Variants in NRXN1 observed in about 807,000 individuals in gnomAD.
NRXN1 encodes the protein neurexin 1, also known as neurexin-1.
Under a neutral mutation model 150.9 loss-of-function variants are expected in NRXN1, and 39 were observed. That is an observed-to-expected ratio of 0.26 (90% CI 0.20 to 0.34). NRXN1 has a LOEUF of 0.34. Ranked by LOEUF, NRXN1 falls within the 10% of genes least tolerant of loss-of-function variation. The pLI is 1.00. For synonymous variants in NRXN1, 924 were observed against 757.0 expected (o/e 1.22, Z -3.62); for missense variants, 1,815 against 1,949.9 (o/e 0.93, Z 1.30).
At chr2:49,925,076 G>A (rs1359167267) in intron 22 of NRXN1, among the ~76,000 whole-genome samples, 1 of 152,028 alleles carries the variant, frequency 6.6e-6, no homozygotes, top group African/African-American at 2.4e-5. Context: ...TGGATCACGA[G>A]GTCAAGAGAT....
intron 21 of NRXN1, among the ~76,000 whole-genome samples, chr2:49,976,960 T>C (rs1679098579): frequency 6.6e-6 from 1 of 152,220 alleles, no homozygotes; most frequent in Non-Finnish European, 1.5e-5. Flanking sequence ...ATTTAGGGTA[T>C]TGTTCACTGC....
Position 50,440,569 on chromosome 2 carries a change from A to G in NRXN1, c.3364+24873T>C, listed in dbSNP as rs1477317335. Reference sequence around the variant, plus strand: ...GGCAGGAAAGGAGGACAAGGAGGATAAGATAGGAGGTGTATAATTTTATAT... The same window carrying G: ...GGCAGGAAAGGAGGACAAGGAGGATGAGATAGGAGGTGTATAATTTTATAT... On this transcript the variant is annotated intron_variant, in intron 17 of 22. Coordinates refer to ENST00000401669, the MANE Select transcript of NRXN1 (RefSeq NM_001330078.2). Among the ~76,000 whole-genome samples the G allele has an allele frequency of 3.9e-5, 6 of 152,150 alleles. 1 individual carries two copies. In the South Asian group the frequency reaches 1.2e-3, roughly 32 times the overall value.
chr2:50,370,842 C>T (rs78625801), intron 17 of NRXN1, among the ~76,000 whole-genome samples: 1 of 152,080 alleles, frequency 6.6e-6, no homozygotes, highest in East Asian at 1.9e-4. Flanking sequence ...TTCCTTTGCT[C>T]TGCTCTTGCT....
intron 21 of NRXN1, among the ~76,000 whole-genome samples, chr2:49,954,518 T>C (rs1315006623): frequency 1.3e-5 from 2 of 151,844 alleles, no homozygotes; most frequent in African/African-American, 4.8e-5. Context: ...AATGAACAGA[T>C]GAACAGGGAA....
In NRXN1 at chr2:50,447,740, TATA is replaced by T. The variant is rs2086569990; in HGVS notation, c.3364+17699_3364+17701del. The stretch of plus-strand genomic sequence containing the variant: ...TCACATAGTAAGCAGGGGAACGTTA[TATA>T]TATATATATATATATATATATATAT... On this transcript the variant is annotated intron_variant, in intron 17 of 22. Coordinates refer to ENST00000401669, the MANE Select transcript of NRXN1 (RefSeq NM_001330078.2). Among the ~76,000 whole-genome samples, 463 of 81,128 alleles carry T rather than the reference TATA, an allele frequency of 5.7e-3. 72 individuals carry two copies. The highest frequency in any genetic ancestry group is 0.022 in the African/African-American group (366 of 16,906). 53.2% of individuals were successfully genotyped at this position (81,128 alleles called of 152,430 possible). A position where few individuals can be genotyped will look rare whatever the true frequency, so the allele number is the denominator to read the frequency against.
intron 17 of NRXN1, among the ~76,000 whole-genome samples, chr2:50,373,609 AAGAG>A (rs1285674567): frequency 6.9e-6 from 1 of 144,068 alleles, no homozygotes; most frequent in South Asian, 2.2e-4. Context: ...GAGAGAAAGA[AAGAG>A]AGAGAGAGAA....
At chr2:50,693,276 T>C (rs558510602) in intron 5 of NRXN1, among the ~76,000 whole-genome samples, 1 of 152,300 alleles carries the variant, frequency 6.6e-6, no homozygotes, top group South Asian at 2.1e-4. Flanking sequence ...GCCAATATGC[T>C]AAATACTAAA....
chr2:50,907,591 C>A (rs774274102), intron 5 of NRXN1, among the ~76,000 whole-genome samples: 2 of 151,932 alleles, frequency 1.3e-5, no homozygotes, highest in Non-Finnish European at 2.9e-5. Flanking sequence ...CCAATGTTGT[C>A]ACAAGCTCCT....
chr2:50,146,573 C>T (rs959578397), intron 18 of NRXN1, among the ~76,000 whole-genome samples: 1 of 151,142 alleles, frequency 6.6e-6, no homozygotes, highest in Non-Finnish European at 1.5e-5. Context: ...CCCAAGGATG[C>T]TGTGAAAATA....
chr2:50,642,874 T>C (rs551257078), intron 5 of NRXN1, among the ~76,000 whole-genome samples: 4 of 151,932 alleles, frequency 2.6e-5, no homozygotes, highest in Non-Finnish European at 5.9e-5. Context: ...AGGAAAAGCC[T>C]TCTTCTAAAA....
At chr2:50,100,376 C>T (rs1700828807) in intron 18 of NRXN1, among the ~76,000 whole-genome samples, 1 of 152,030 alleles carries the variant, frequency 6.6e-6, no homozygotes, top group African/African-American at 2.4e-5. Context: ...CACTTCAGTG[C>T]TTCTATTTCC....
At chr2:50,981,966 T>G (rs2160656) in intron 2 of NRXN1, among the ~76,000 whole-genome samples, 3,891 of 151,706 alleles carry the variant, frequency 0.026, 177 homozygotes, top group Admixed American at 0.12. Flanking sequence ...GAGAGAGAGA[T>G]AGAGAAAGAG....
chr2:50,435,357 A>C (rs1230989548), intron 17 of NRXN1, among the ~76,000 whole-genome samples: 1 of 152,222 alleles, frequency 6.6e-6, no homozygotes, highest in Non-Finnish European at 1.5e-5. Context: ...AATATATATA[A>C]TTAAATGCAA....
At chr2:50,727,215 A>T (rs561962134) in intron 5 of NRXN1, among the ~76,000 whole-genome samples, 5 of 152,206 alleles carry the variant, frequency 3.3e-5, no homozygotes, top group Admixed American at 6.5e-5. Flanking sequence ...ATTATATTTA[A>T]TTTTTTTTCC....
At chr2:50,343,893 CCAAA>C (rs1431297165) in intron 17 of NRXN1, among the ~76,000 whole-genome samples, 1 of 152,208 alleles carries the variant, frequency 6.6e-6, no homozygotes, top group Non-Finnish European at 1.5e-5. Context: ...TCTAATACAA[CCAAA>C]CAGCCTAGTT....
intron 18 of NRXN1, among the ~76,000 whole-genome samples, chr2:50,155,627 T>C (rs2058971877): frequency 6.6e-6 from 1 of 151,648 alleles, no homozygotes; most frequent in Admixed American, 6.6e-5. Flanking sequence ...TTTTTGATCC[T>C]GTTTTTTTCC....
chr2:50,943,216 CT>C (rs938104678), intron 2 of NRXN1, among the ~76,000 whole-genome samples: 3 of 152,124 alleles, frequency 2.0e-5, no homozygotes, highest in African/African-American at 4.8e-5. Flanking sequence ...AATTAAACCT[CT>C]TTTCTTTATA....
At chr2:50,815,313 A>T (rs530148462) in intron 5 of NRXN1, among the ~76,000 whole-genome samples, 1 of 152,174 alleles carries the variant, frequency 6.6e-6, no homozygotes, top group African/African-American at 2.4e-5. Context: ...AGATCTGTTG[A>T]CATTATGTCT....
intron 21 of NRXN1, among the ~76,000 whole-genome samples, chr2:50,018,221 C>T (rs948310377): frequency 6.6e-6 from 1 of 152,172 alleles, no homozygotes; most frequent in African/African-American, 2.4e-5. Flanking sequence ...GCACCTCTAG[C>T]ATATAAGGCT....
Sources: allele counts gnomAD v4.1 joint callset (sites outside exome capture counted in the v4.1 genomes callset), GRCh38; gene constraint gnomAD v4.1.1; transcripts MANE v1.5; gene names NCBI Gene and HGNC (gene_info 2026-07-23, HGNC 2026-07-21).